The following PALLD variants were observed in gnomAD, a reference collection of about 807,000 sequenced individuals.
PALLD encodes palladin.
PALLD carries 61 observed loss-of-function variants against 123.5 expected under a neutral mutation model. The observed-to-expected ratio is 0.49, with a 90% CI of 0.40 to 0.61. The LOEUF (loss-of-function observed/expected upper bound fraction) is 0.61, where lower values mean the gene tolerates loss of function less well. PALLD is among the 20% of genes least tolerant of loss of function. The pLI is 0.00. For synonymous variants in PALLD, 465 were observed against 496.4 expected, an observed-to-expected ratio of 0.94 and a Z score of 0.84; for missense variants, 1,273 against 1,377.0, an observed-to-expected ratio of 0.92 and a Z score of 1.20.
chr4:168,876,063 C>T (rs767145369), intron 10 of PALLD, among the ~76,000 whole-genome samples: 3 of 152,238 alleles, frequency 2.0e-5, no homozygotes, highest in Non-Finnish European at 4.4e-5. Flanking sequence ...AGGAGAGCCA[C>T]ACAGATGGCT....
At chr4:168,814,364 A>G (rs181061541) in intron 10 of PALLD, among the ~76,000 whole-genome samples, 1 of 152,352 alleles carries the variant, frequency 6.6e-6, no homozygotes, top group Non-Finnish European at 1.5e-5. Context: ...TAATTTATGT[A>G]TCAAATATAT....
intron 10 of PALLD, among the ~76,000 whole-genome samples, chr4:168,762,758 A>G (rs1453608272): frequency 6.6e-6 from 1 of 152,230 alleles, no homozygotes; most frequent in East Asian, 1.9e-4. Context: ...CACAATAGCA[A>G]AGACTTGGAA....
At chr4:168,810,741 G>C (rs1740972523) in intron 10 of PALLD, among the ~76,000 whole-genome samples, 1 of 151,876 alleles carries the variant, frequency 6.6e-6, no homozygotes, top group Admixed American at 6.6e-5. Flanking sequence ...CCGGGAAGCG[G>C]AGCTTGCAGT....
At chr4:168,856,337 A>G (rs1424369194) in intron 10 of PALLD, among the ~76,000 whole-genome samples, 1 of 152,152 alleles carries the variant, frequency 6.6e-6, no homozygotes, top group Non-Finnish European at 1.5e-5. Context: ...TTTTTGGTAG[A>G]ATGATTTATT....
chr4:168,530,292 A>T (rs367897492), intron 2 of PALLD, among the ~76,000 whole-genome samples: 13 of 152,208 alleles, frequency 8.5e-5, no homozygotes, highest in African/African-American at 2.9e-4. Context: ...TTATTCTCTC[A>T]TCTTGCTATT....
intron 1 of PALLD, among the ~76,000 whole-genome samples, chr4:168,507,029 A>C (rs774611832): frequency 6.6e-6 from 1 of 152,168 alleles, no homozygotes; most frequent in African/African-American, 2.4e-5. Flanking sequence ...CCATAGGCTA[A>C]TAATCCCCAA....
At chr4:168,556,074 G>C (rs1302733653) in intron 2 of PALLD, among the ~76,000 whole-genome samples, 1 of 151,954 alleles carries the variant, frequency 6.6e-6, no homozygotes, top group Non-Finnish European at 1.5e-5. Context: ...TATAGTCAGT[G>C]TTCGTAAATG....
chr4:168,863,760 A>G (rs932433158), intron 10 of PALLD: 13 of 152,258 alleles, frequency 8.5e-5, no homozygotes, highest in African/African-American at 3.1e-4. Flanking sequence ...TTAAAGATCA[A>G]CAAATGTCCA....
chr4:168,684,684 C>T (rs114026871), intron 5 of PALLD, among the ~76,000 whole-genome samples: 2,439 of 152,202 alleles, frequency 0.016, 59 homozygotes, highest in African/African-American at 0.056. Flanking sequence ...GAAACCCAGA[C>T]CTCTTGAATC....
At chr4:168,792,235 C>T (rs1369572993) in intron 10 of PALLD, among the ~76,000 whole-genome samples, 1 of 152,060 alleles carries the variant, frequency 6.6e-6, no homozygotes, top group Non-Finnish European at 1.5e-5. Context: ...TTCCTTGTCA[C>T]ACCTCATGTC....
At chr4:168,704,548 C>T (rs145740277) in intron 8 of PALLD, among the ~76,000 whole-genome samples, 2,000 of 151,820 alleles carry the variant, frequency 0.013, 46 homozygotes, top group African/African-American at 0.044. Flanking sequence ...CCTGTAGTCC[C>T]AGCTACTGGG....
chr4:168,715,037 G>A (rs73864626), intron 10 of PALLD, among the ~76,000 whole-genome samples: 8,823 of 151,962 alleles, frequency 0.058, 768 homozygotes, highest in African/African-American at 0.19. Context: ...TAGACTCACA[G>A]CCATCCCAGA....
chr4:168,500,318 A>G (rs1761265599), intron 1 of PALLD, among the ~76,000 whole-genome samples: 1 of 152,164 alleles, frequency 6.6e-6, no homozygotes, highest in African/African-American at 2.4e-5. Context: ...AACAGTCAAT[A>G]GTGCCTTGAT....
chr4:168,903,706 A>G, intron 14 of PALLD, 51 bp from the exon 15 acceptor site: 2 of 1,451,792 alleles, frequency 1.4e-6, no homozygotes, highest in Non-Finnish European at 1.9e-6. Context: ...TTCTCCAAAT[A>G]GAGTAGGAAT....
intron 21 of PALLD, 124 bp downstream of exon 21, chr4:168,925,402 C>T (rs1341554262): frequency 2.6e-6 from 2 of 767,486 alleles, no homozygotes; most frequent in Admixed American, 3.9e-5. Flanking sequence ...AAGGCATAAC[C>T]ATGTTTTTCA....
chr4:168,857,481 T>TA (rs768536410), intron 10 of PALLD, among the ~76,000 whole-genome samples: 18 of 152,254 alleles, frequency 1.2e-4, no homozygotes, highest in Non-Finnish European at 2.6e-4. Context: ...AGCAAACTGA[T>TA]AAGCAGCCCT....
intron 3 of PALLD, among the ~76,000 whole-genome samples, chr4:168,670,762 A>G (rs12509981): frequency 3.0e-5 from 3 of 99,620 alleles, no homozygotes; most frequent in African/African-American, 1.5e-4. Context: ...AAAACAAAAA[A>G]AACAAAAAAA....
intron 2 of PALLD, among the ~76,000 whole-genome samples, chr4:168,613,595 AT>A (rs1303325581): frequency 6.6e-6 from 1 of 152,192 alleles, no homozygotes. Flanking sequence ...AAACATACAT[AT>A]TTATATTGAG....
At chr4:168,663,661 T>C (rs987966159) in intron 2 of PALLD, among the ~76,000 whole-genome samples, 7 of 152,226 alleles carry the variant, frequency 4.6e-5, no homozygotes, top group African/African-American at 1.4e-4. Context: ...AGATGCAAAA[T>C]TGAATGCATG....
Sources: gnomAD v4.1 joint callset for allele counts (sites outside exome capture counted in the v4.1 genomes callset) on GRCh38, gnomAD v4.1.1 for gene constraint, MANE v1.5 for transcripts, NCBI Gene and HGNC (gene_info 2026-07-23, HGNC 2026-07-21) for gene names.